EVC2: variants seen among roughly 807,000 people sequenced by gnomAD.
The protein encoded by EVC2 is limbin.
A neutral mutation model predicts 149.3 loss-of-function variants in EVC2; 148 were observed. The ratio of observed to expected loss-of-function variants is 0.99; its 90% confidence interval spans 0.87 to 1.14. The LOEUF (loss-of-function observed/expected upper bound fraction) is 1.14, where lower values mean the gene tolerates loss of function less well. Ranked by LOEUF, EVC2 falls within the 50% of genes most tolerant of loss-of-function variation. EVC2 has a pLI of 0.00. For synonymous variants in EVC2, 776 were observed against 649.9 expected (o/e 1.19, Z -2.95); for missense variants, 1,854 against 1,627.3 (o/e 1.14, Z -2.40).
At chr4:5,579,840 A>G (rs1400801448) in intron 17 of EVC2, among the ~76,000 whole-genome samples, 1 of 152,186 alleles carries the variant, frequency 6.6e-6, no homozygotes, top group Non-Finnish European at 1.5e-5. Context: ...GTCTCAAAAC[A>G]ATAAACAAAG....
chr4:5,596,555 G>A (rs1218846312), intron 16 of EVC2, among the ~76,000 whole-genome samples: 1 of 152,098 alleles, frequency 6.6e-6, no homozygotes, highest in Admixed American at 6.5e-5. Context: ...GAATCTCTGG[G>A]ATGCATTCAA....
rs183583488 is a variant in EVC2, at chr4:5,703,090, G to A, written c.228+5196C>T. Among the ~76,000 whole-genome samples the A allele has an allele frequency of 1.7e-3, 252 of 152,242 alleles. 2 individuals carry two copies. Among genetic ancestry groups the A allele is most frequent in the African/African-American group, 5.5e-3 (227 of 41,540 alleles). On this transcript the variant is annotated intron_variant, in intron 1 of 21. Transcript: ENST00000344408. ...AGGTTCATGGCAACTGTGACTTTAA[G>A]CCAAATGGCATACTGTATAGCAAAA...
chr4:5,648,556 T>C (rs1375277555), intron 9 of EVC2, among the ~76,000 whole-genome samples: 1 of 152,166 alleles, frequency 6.6e-6, no homozygotes, highest in African/African-American at 2.4e-5. Context: ...CCCTCATAGG[T>C]TGTTGTTCAG....
intron 16 of EVC2, among the ~76,000 whole-genome samples, chr4:5,600,035 T>C (rs1244958138): frequency 6.6e-6 from 1 of 152,198 alleles, no homozygotes; most frequent in Non-Finnish European, 1.5e-5. Context: ...ATTATCAAAG[T>C]GCAAATTCCC....
rs147368147 is a variant in EVC2 at position 5,688,116 on chromosome 4, C to T, written c.706+1041G>A. 6.1e-3 allele frequency among the ~76,000 whole-genome samples: 922 copies of T among 152,228 alleles called. 8 individuals carry two copies. The highest frequency in any genetic ancestry group is 7.7e-3 in the Non-Finnish European group (521 of 68,006). On this transcript the variant is annotated intron_variant, in intron 5 of 21. Coordinates refer to ENST00000344408, the MANE Select transcript of EVC2 (RefSeq NM_147127.5). ...ACTGAAGGTCACTTAGCTGGGACAT[C>T]TCATAACAACTTTTATGACATCATT...
rs200000369 is a variant in EVC2, at chr4:5,618,465, A to T, written c.2706+13T>A. On this transcript the variant is annotated intron_variant, in intron 15 of 21. Transcript: ENST00000344408. This position sits in a 1 kb window ranked among gnomAD's most constrained non-coding sequence, Gnocchi z 4.4. ...CCTGCTTCTGTAATCGGCCACTGAC[A>T]GGTCCATCCTACCTGCAGCTCAGGG... The T allele has an allele frequency of 1.2e-6, 2 of 1,612,492 alleles. No homozygotes were observed. Among genetic ancestry groups the T allele is most frequent in the South Asian group, 2.2e-5 (2 of 90,988 alleles).
chr4:5,597,064 G>C (rs1222512592), intron 16 of EVC2, among the ~76,000 whole-genome samples: 1 of 152,188 alleles, frequency 6.6e-6, no homozygotes, highest in Admixed American at 6.5e-5. Flanking sequence ...TGAAACTGTG[G>C]CAATAATCAA....
At chr4:5,615,868 A>C (rs1047369672) in intron 15 of EVC2, among the ~76,000 whole-genome samples, 2 of 152,232 alleles carry the variant, frequency 1.3e-5, no homozygotes, top group Admixed American at 6.5e-5. Context: ...CAGACCTGTC[A>C]GCCTCTCTGA....
Position 5,689,268 on chromosome 4 carries a change from T to C in EVC2, c.595A>G (p.Asn199Asp). The change falls in exon 5 of 22, where the codon AAC (asparagine) becomes GAC (aspartate). Residue 199 changes from asparagine to aspartate, a missense_variant. Asn to Asp is a conservative substitution (Grantham distance 23). Transcript: ENST00000344408. ...VNNTKTTSSA[N>D]LSELLLLDSI... is the part of the protein sequence containing the mutation. ...TCCAGCAAGAGCAGCTCCGAGAGGT[T>C]GGCTGACGAGGTTGTCTTGGTGTTG... The C allele has an allele frequency of 6.2e-7, 1 of 1,614,126 alleles. No homozygotes were observed.
chr4:5,642,362 G>C (rs1326003066), intron 9 of EVC2, among the ~76,000 whole-genome samples: 2 of 149,298 alleles, frequency 1.3e-5, no homozygotes, highest in Non-Finnish European at 3.0e-5. Context: ...ATGCATGCAA[G>C]TACAATTTTA....
chr4:5,535,601 A>AAGAG, the EVC2 span, among the ~76,000 whole-genome samples: 3,037 of 118,228 alleles, frequency 0.026, 86 homozygotes, highest in East Asian at 0.096. The surrounding 1 kb of genome is among the most constrained non-coding windows in gnomAD (Gnocchi z 4.7). Context: ...CATGCTTAGA[A>AAGAG]AGAGAGAGAG....
chr4:5,691,116 G>T (rs1721088945), intron 4 of EVC2, 149 bp downstream of exon 4: 1 of 685,218 alleles, frequency 1.5e-6, no homozygotes, highest in African/African-American at 1.8e-5. Flanking sequence ...AGATATCACA[G>T]ACCTTGCTAT....
At position 5,584,734 on chromosome 4, in the gene EVC2, C is replaced by T. The variant is rs2108788572; in HGVS notation, c.2946G>A (p.Leu982=). 1 of 1,614,174 alleles carries T rather than the reference C, an allele frequency of 6.2e-7. No individual in the cohort carries two copies. Residue 982 remains leucine (L), a synonymous_variant, in exon 17 of 22, where the codon CTG becomes CTA. Coordinates refer to ENST00000344408, the MANE Select transcript of EVC2 (RefSeq NM_147127.5). The stretch of plus-strand genomic sequence containing the variant: ...TGCTGAGGAGGGCGGTGTAGGCCGA[C>T]AGAGTCTCGGTCACCCGGGACGCCT... ...FQKASRVTET[L]SAYTALLSIQ...
chr4:5,698,046 C>T (rs1410996159), intron 1 of EVC2, among the ~76,000 whole-genome samples: 4 of 152,096 alleles, frequency 2.6e-5, no homozygotes, highest in Non-Finnish European at 4.4e-5. Context: ...CCACCGCGTC[C>T]GGCCAAGGAC....
At chr4:5,687,064 C>G (rs1443308589) in intron 5 of EVC2, among the ~76,000 whole-genome samples, 1 of 151,846 alleles carries the variant, frequency 6.6e-6, no homozygotes, top group Non-Finnish European at 1.5e-5. Flanking sequence ...CGTGACCAGC[C>G]TGGGCAATAT....
At chr4:5,610,683 G>A (rs1714742367) in intron 16 of EVC2, among the ~76,000 whole-genome samples, 1 of 151,974 alleles carries the variant, frequency 6.6e-6, no homozygotes, top group South Asian at 2.1e-4. Flanking sequence ...GAAGGCCTCT[G>A]CTCACCTCCC....
chr4:5,661,031 G>C (rs1274824395), intron 9 of EVC2, among the ~76,000 whole-genome samples: 2 of 152,116 alleles, frequency 1.3e-5, no homozygotes, highest in African/African-American at 4.8e-5. Flanking sequence ...TAAACATAAG[G>C]TATTTTATCT....
chr4:5,550,753 C>A (rs1454313854), intron 21 of EVC2, among the ~76,000 whole-genome samples: 1 of 152,234 alleles, frequency 6.6e-6, no homozygotes, highest in Admixed American at 6.5e-5. Context: ...CCTACCATCA[C>A]AGGCCTGGAG....
At chr4:5,671,179 T>C (rs986782407) in intron 7 of EVC2, among the ~76,000 whole-genome samples, 1 of 152,238 alleles carries the variant, frequency 6.6e-6, no homozygotes, top group African/African-American at 2.4e-5. Flanking sequence ...AAAAAAGTTT[T>C]TAAAATGGCC....
Sources: gnomAD v4.1 joint callset for allele counts (sites outside exome capture counted in the v4.1 genomes callset) on GRCh38, gnomAD v4.1.1 for gene constraint, Gnocchi (gnomAD v3.1) non-coding constraint, MANE v1.5 for transcripts, NCBI Gene and HGNC (gene_info 2026-07-23, HGNC 2026-07-21) for gene names.